MEIOSIN: variants seen among roughly 807,000 people sequenced by gnomAD.
MEIOSIN encodes meiosis initiator.
MEIOSIN carries 18 observed loss-of-function variants against 23.4 expected under a neutral mutation model. The ratio of observed to expected loss-of-function variants is 0.77; its 90% confidence interval spans 0.53 to 1.14. MEIOSIN has a LOEUF of 1.14. Among genes scored for constraint, MEIOSIN ranks in the 50% most tolerant of loss-of-function variants. The pLI is 0.00. For missense variants in MEIOSIN, 428 were observed against 242.9 expected, an observed-to-expected ratio of 1.76 and a Z score of -5.07; for synonymous variants, 187 against 100.6, an observed-to-expected ratio of 1.86 and a Z score of -5.14.
chr19:45,758,964 C>T lies in MEIOSIN; in HGVS notation c.1099C>T (p.Leu367Phe), dbSNP rs1001190298. The change falls in exon 10 of 15, where the codon CTT (leucine) becomes TTT (phenylalanine). Residue 367 changes from leucine to phenylalanine, a missense_variant. Transcript: ENST00000457052. ...TGAGATCCTCGGGCTCAGCCCTAGCCTTTTCAGCTCCCCAGGGAAACTGCT... is the reference window on the plus strand; with the variant it reads ...TGAGATCCTCGGGCTCAGCCCTAGCTTTTTCAGCTCCCCAGGGAAACTGCT... ...PSEILGLSPS[L>F]FSSPGKLLPD... The T allele has an allele frequency of 4.3e-6, 3 of 702,984 alleles. No homozygotes were observed. Among genetic ancestry groups the T allele is most frequent in the Admixed American group, 2.0e-5 (1 of 49,998 alleles). The allele number at this position is 702,984 out of a possible 1,614,324, so 43.5% of individuals were successfully genotyped here. A position where few individuals can be genotyped will look rare whatever the true frequency, so the allele number is the denominator to read the frequency against.
In MEIOSIN at chr19:45,764,023, G is replaced by T. The variant is rs765371232; in HGVS notation, c.1822G>T (p.Gly608Cys). The T allele has an allele frequency of 5.0e-6, 2 of 398,510 alleles. No homozygotes were observed. The highest frequency in any genetic ancestry group is 2.1e-5 in the African/African-American group (1 of 48,630). The allele number at this position is 398,510 out of a possible 1,614,324, so 24.7% of individuals were successfully genotyped here. A position where few individuals can be genotyped will look rare whatever the true frequency, so the allele number is the denominator to read the frequency against. ...RQHNRIVKQDGSSSEAEDWET... is the reference protein window; with the variant it reads ...RQHNRIVKQDCSSSEAEDWET... Reference sequence around the variant, plus strand: ...GCACAACCGCATCGTGAAGCAGGACGGCTCCAGCAGCGAGGCTGAGGACTG... The same window carrying T: ...GCACAACCGCATCGTGAAGCAGGACTGCTCCAGCAGCGAGGCTGAGGACTG... The change falls in exon 15 of 15, where the codon GGC (glycine) becomes TGC (cysteine). Residue 608 changes from glycine to cysteine, a missense_variant. By Grantham distance (159) the Gly-to-Cys change is radical. Coordinates refer to ENST00000457052, the MANE Select transcript of MEIOSIN (RefSeq NM_001310124.2).
rs1188198751 is a variant in MEIOSIN, at chr19:45,761,862, C to A, written c.1429C>A (p.Arg477=). The change falls in exon 12 of 15, where the codon CGA becomes AGA. Residue 477 remains arginine (R), a synonymous_variant. Coordinates refer to ENST00000457052, the MANE Select transcript of MEIOSIN (RefSeq NM_001310124.2). The part of the protein sequence containing the change: ...DSDSEPLWKQ[R]EDMQANPVGT... ...CGACTCGGAGCCCCTGTGGAAGCAG[C>A]GAGAGGTGAGAGACACGGCCGCATG... The A allele has an allele frequency of 1.5e-6, 1 of 665,076 alleles. No individual in the cohort carries two copies. The highest frequency in any genetic ancestry group is 2.7e-6 in the Non-Finnish European group (1 of 364,130). 41.2% of individuals were successfully genotyped at this position (665,076 alleles called of 1,614,324 possible).
rs1190423831 is a variant in MEIOSIN, at chr19:45,754,622, C to G, written c.700C>G (p.Pro234Ala). Residue 234 changes from proline to alanine, a missense_variant, in exon 7 of 15, where the codon CCG becomes GCG. By Grantham distance (27) the Pro-to-Ala change is conservative. Transcript: ENST00000457052. ...AAGGTGCCCTGACTCCTGCGGTCAC[C>G]CGAGGCCTGCATCATCCTCACCTCC... ...PPRCPDSCGH[P>A]RPASSSPPGD... is the part of the protein sequence containing the mutation. The G allele has an allele frequency of 5.7e-6, 4 of 703,074 alleles. No homozygotes were observed. Among genetic ancestry groups the G allele is most frequent in the Non-Finnish European group, 1.0e-5 (4 of 385,034 alleles). The allele number at this position is 703,074 out of a possible 1,614,324, so 43.6% of individuals were successfully genotyped here.
intron 5 of MEIOSIN, among the ~76,000 whole-genome samples, chr19:45,751,325 A>G (rs1968703724): frequency 6.8e-6 from 1 of 146,874 alleles, no homozygotes; most frequent in Non-Finnish European, 1.5e-5. Context: ...TACATAAAAT[A>G]AAATAAATCT....
Position 45,757,287 on chromosome 19 carries a change from A to G in MEIOSIN, c.1012+10A>G. 1 of 700,954 alleles carries G rather than the reference A, an allele frequency of 1.4e-6. No homozygotes were observed. Among genetic ancestry groups the G allele is most frequent in the Non-Finnish European group, 2.6e-6 (1 of 383,774 alleles). The allele number at this position is 700,954 out of a possible 1,614,324, so 43.4% of individuals were successfully genotyped here. ...GAGAACAGCCCCCAAGGTGACTGCA[A>G]CTCTGTCTCTCCTCCTTGTAGGCTG... On this transcript the variant is annotated intron_variant, in intron 9 of 14. Transcript: ENST00000457052.
At chr19:45,735,165 A>G (rs1485188150) in intron 1 of MEIOSIN, among the ~76,000 whole-genome samples, 1 of 152,072 alleles carries the variant, frequency 6.6e-6, no homozygotes, top group Non-Finnish European at 1.5e-5. Context: ...GAATGCTGGG[A>G]TTACAGGTGT....
chr19:45,736,661 C>T lies in MEIOSIN; in HGVS notation c.71+1214C>T, dbSNP rs1006142528. 7.2e-5 allele frequency among the ~76,000 whole-genome samples: 11 copies of T among 152,234 alleles called. No homozygotes were observed. The South Asian group carries it at 8.3e-4, about 11-fold the overall frequency. ...TGGGCTCACTGCAAGCTCAACCTCC[C>T]GGATTCACGCTATTCTCCTGCCTCA... On this transcript the variant is annotated intron_variant, in intron 2 of 14. Transcript: ENST00000457052.
rs534691479 is a variant in MEIOSIN at position 45,733,775 on chromosome 19, G to A, written c.-1+109G>A. On this transcript the variant is annotated intron_variant, in intron 1 of 14. Coordinates refer to ENST00000457052, the MANE Select transcript of MEIOSIN (RefSeq NM_001310124.2). The surrounding 1 kb of genome is among the most constrained non-coding windows in gnomAD (Gnocchi z 5.7). The stretch of plus-strand genomic sequence containing the variant: ...CCCACAGGAGCTTCCCTCGGTGGGG[G>A]GCTCAGGGGAATAGAACATGCTCTG... 6.6e-6 allele frequency: 1 copy of A among 152,490 alleles called. No homozygotes were observed. Among genetic ancestry groups the A allele is most frequent in the African/African-American group, 2.4e-5 (1 of 41,598 alleles). The allele number at this position is 152,490 out of a possible 1,614,324, so 9.4% of individuals were successfully genotyped here. A position where few individuals can be genotyped will look rare whatever the true frequency, so the allele number is the denominator to read the frequency against.
chr19:45,746,606 G>T (rs1317279782), intron 4 of MEIOSIN, among the ~76,000 whole-genome samples: 1 of 152,026 alleles, frequency 6.6e-6, no homozygotes, highest in Non-Finnish European at 1.5e-5. Flanking sequence ...GATCACCTGA[G>T]GTCAGGAGTT....
intron 11 of MEIOSIN, among the ~76,000 whole-genome samples, chr19:45,760,712 TGAG>T (rs1968920599): frequency 6.6e-6 from 1 of 152,062 alleles, no homozygotes; most frequent in Non-Finnish European, 1.5e-5. Context: ...GCAGATCACC[TGAG>T]GTCAGGAGTT....
chr19:45,754,758 T>C (rs1299497739), intron 7 of MEIOSIN, 34 bp downstream of exon 7: 1 of 701,410 alleles, frequency 1.4e-6, no homozygotes, highest in Non-Finnish European at 2.6e-6. Context: ...ACTTAGTCTT[T>C]CAGTAAGATG....
Position 45,753,686 on chromosome 19 carries a change from C to A in MEIOSIN, c.454C>A (p.Arg152=). ...GQKPAWGPAR[R]RRHSTPSSSP... is the part of the protein sequence containing the mutation. ...GAAACCAGCCTGGGGCCCAGCCAGG[C>A]GGAGGAGACACTCTACCCCCTCCAG... Residue 152 remains arginine (R), a synonymous_variant, in exon 6 of 15, where the codon CGG becomes AGG. Coordinates refer to ENST00000457052, the MANE Select transcript of MEIOSIN (RefSeq NM_001310124.2). 1.4e-6 allele frequency: 1 copy of A among 702,880 alleles called. No individual in the cohort carries two copies. The highest frequency in any genetic ancestry group is 1.5e-5 in the South Asian group (1 of 67,588). The allele number at this position is 702,880 out of a possible 1,614,324, so 43.5% of individuals were successfully genotyped here. A position where few individuals can be genotyped will look rare whatever the true frequency, so the allele number is the denominator to read the frequency against.
chr19:45,764,444 C>G lies in MEIOSIN; in HGVS notation c.*326C>G. 1 of 282,006 alleles carries G rather than the reference C, an allele frequency of 3.5e-6. No homozygotes were observed. Among genetic ancestry groups the G allele is most frequent in the Middle Eastern group, 9.5e-4 (1 of 1,048 alleles). 17.5% of individuals were successfully genotyped at this position (282,006 alleles called of 1,614,324 possible). On this transcript the variant is annotated 3_prime_UTR_variant, in exon 15 of 15. Coordinates refer to ENST00000457052, the MANE Select transcript of MEIOSIN (RefSeq NM_001310124.2). ...AGAGCCACTCGGTTGCAACCCTGTT[C>G]ATGCTCACCTCACCCTACTCCTCCC...
chr19:45,751,891 C>T (rs1245106256), intron 5 of MEIOSIN, among the ~76,000 whole-genome samples: 3 of 151,880 alleles, frequency 2.0e-5, no homozygotes, highest in Non-Finnish European at 4.4e-5. Flanking sequence ...CCACCACACC[C>T]AGCTAATTTT....
At chr19:45,758,622 G>T (rs1968881150) in intron 9 of MEIOSIN, among the ~76,000 whole-genome samples, 1 of 151,922 alleles carries the variant, frequency 6.6e-6, no homozygotes, top group African/African-American at 2.4e-5. Flanking sequence ...TAGAGACGGG[G>T]TTTCACCATG....
intron 5 of MEIOSIN, among the ~76,000 whole-genome samples, chr19:45,751,446 C>A (rs777344953): frequency 2.0e-5 from 3 of 151,936 alleles, no homozygotes; most frequent in Non-Finnish European, 4.4e-5. Flanking sequence ...CCTTCCTAGT[C>A]CCTGCCAAAC....
intron 12 of MEIOSIN, 22 bp downstream of exon 12, chr19:45,761,889 C>T: frequency 6.4e-6 from 4 of 625,170 alleles, no homozygotes; most frequent in Non-Finnish European, 8.7e-6. Context: ...GGCCGCATGC[C>T]AGGGCCAGCA....
At chr19:45,750,613 C>A in intron 4 of MEIOSIN, 62 bp from the exon 5 acceptor site, 1 of 442,782 alleles carries the variant, frequency 2.3e-6, no homozygotes, top group Non-Finnish European at 4.1e-6. Flanking sequence ...CCCACCTCGG[C>A]TTCTCAAAGT....
chr19:45,736,071 C>T (rs537849733), intron 2 of MEIOSIN, among the ~76,000 whole-genome samples: 24 of 152,198 alleles, frequency 1.6e-4, no homozygotes, highest in Admixed American at 1.1e-3. Flanking sequence ...TAGGGTATCA[C>T]TCTGTTGCCC....
Sources: gnomAD v4.1 joint callset for allele counts (sites outside exome capture counted in the v4.1 genomes callset) on GRCh38, gnomAD v4.1.1 for gene constraint, Gnocchi (gnomAD v3.1) non-coding constraint, MANE v1.5 for transcripts, NCBI Gene and HGNC (gene_info 2026-07-23, HGNC 2026-07-21) for gene names.